TTN: variants seen among roughly 807,000 people sequenced by gnomAD.
The protein encoded by TTN is connectin.
Under a neutral mutation model 3,223.0 loss-of-function variants are expected in TTN, and 1,525 were observed. The ratio of observed to expected loss-of-function variants is 0.47; its 90% CI spans 0.45 to 0.49. The LOEUF (loss-of-function observed/expected upper bound fraction) is 0.49. Ranked by LOEUF, TTN falls within the 20% of genes least tolerant of loss-of-function variation. The probability of loss-of-function intolerance (pLI) is 0.00; values close to 1 mark genes in which losing one functional copy is unlikely to be tolerated. For missense variants in TTN, 40,786 were observed against 43,424.0 expected (o/e 0.94, Z 5.40); for synonymous variants, 14,094 against 15,161.0 (o/e 0.93, Z 5.17).
Position 178,585,222 on chromosome 2 carries a change from C to A in TTN, c.64522G>T (p.Val21508Phe). ...TGCACTGCCAGGTGGCTGGATGTGA[C>A]AACTTCATCTTCTCCTTTTTTCCAT... ...CKWKKGEDEVVTSSHLAVHKA... is the reference protein window; with the variant it reads ...CKWKKGEDEVFTSSHLAVHKA... Residue 21508 changes from valine (V) to phenylalanine (F), a missense_variant, in exon 309 of 363, where the codon GTC becomes TTC. Coordinates refer to ENST00000589042, the MANE Select transcript of TTN (RefSeq NM_001267550.2). The A allele has an allele frequency of 2.5e-6, 4 of 1,613,346 alleles. No individual in the cohort carries two copies. Among genetic ancestry groups the A allele is most frequent in the Non-Finnish European group, 3.4e-6 (4 of 1,179,446 alleles).
Position 178,562,956 on chromosome 2 carries a change from T to C in TTN, c.83176A>G (p.Ser27726Gly). 8.1e-6 allele frequency: 13 copies of C among 1,613,734 alleles called. No individual in the cohort carries two copies. The highest frequency in any genetic ancestry group is 1.1e-5 in the Non-Finnish European group (13 of 1,179,748). ...TCAATCACCAACATTGTAAATGAGC[T>C]GGTCACCTCTATCTGAGCCCTGTCA... ...LTDRAQIEVTSSFTMLVIDNV... is the reference protein window; with the variant it reads ...LTDRAQIEVTGSFTMLVIDNV... The change falls in exon 326 of 363, where the codon AGC (serine) becomes GGC (glycine). Residue 27726 changes from serine to glycine, a missense_variant. Physicochemically the swap from Ser to Gly is moderately conservative, Grantham distance 56 (BLOSUM62 0). Transcript: ENST00000589042.
Position 178,634,708 on chromosome 2 carries a change from C to A in TTN, c.42151+15G>T. 1 of 1,612,694 alleles carries A rather than the reference C, an allele frequency of 6.2e-7. No homozygotes were observed. The highest frequency in any genetic ancestry group is 8.5e-7 in the Non-Finnish European group (1 of 1,179,340). ...TAAAGTTGAGACCCCTCCCCAAATT[C>A]TAAAAGCCCCATACCTTTTACTGTC... On this transcript the variant is annotated intron_variant, in intron 229 of 362. Coordinates refer to ENST00000589042, the MANE Select transcript of TTN (RefSeq NM_001267550.2). This position sits in a 1 kb window ranked among gnomAD's most constrained non-coding sequence, Gnocchi z 4.6.
chr2:178,696,379 G>T, intron 113 of TTN, 110 bp from the exon 114 acceptor site: 10 of 958,810 alleles, frequency 1.0e-5, no homozygotes, highest in South Asian at 4.9e-5. Flanking sequence ...CTATTTTATT[G>T]ATAATTTGTT....
At chr2:178,745,665 T>C in intron 47 of TTN, 1 of 1,612,272 alleles carries the variant, frequency 6.2e-7, no homozygotes, top group Non-Finnish European at 8.5e-7. Context: ...CCTTCATCAC[T>C]CTTTACTAAG....
chr2:178,668,387 G>T (rs1444188257), intron 159 of TTN, among the ~76,000 whole-genome samples: 2 of 152,084 alleles, frequency 1.3e-5, no homozygotes, highest in African/African-American at 2.4e-5. Context: ...AGTATAACAG[G>T]ATGAACAACA....
chr2:178,625,150 G>C (rs2058837253), intron 241 of TTN, 123 bp downstream of exon 241: 1 of 1,345,032 alleles, frequency 7.4e-7, no homozygotes, highest in East Asian at 2.7e-5. Flanking sequence ...AGTAAAATCA[G>C]ACTTTTGATT....
At chr2:178,667,811 C>T (rs374669780) in intron 159 of TTN, 90 bp from the exon 160 acceptor site, 26 of 929,164 alleles carry the variant, frequency 2.8e-5, no homozygotes, top group East Asian at 1.9e-4. Flanking sequence ...ATACCACATT[C>T]ATCACCAAAA....
At chr2:178,795,493 T>A (rs2093720310) in intron 6 of TTN, among the ~76,000 whole-genome samples, 1 of 151,764 alleles carries the variant, frequency 6.6e-6, no homozygotes, top group African/African-American at 2.4e-5. Context: ...CTGGAGATTT[T>A]GTGCCTTGCA....
chr2:178,712,177 A>G lies in TTN; in HGVS notation c.27653T>C (p.Val9218Ala). 1 of 1,613,774 alleles carries G rather than the reference A, an allele frequency of 6.2e-7. No homozygotes were observed. Among genetic ancestry groups the G allele is most frequent in the Non-Finnish European group, 8.5e-7 (1 of 1,179,758 alleles). Residue 9218 changes from valine (V) to alanine (A), a missense_variant, in exon 96 of 363, where the codon GTT becomes GCT. Transcript: ENST00000589042. ...VKQLEPVKVSVGDSASLQCQL... is the reference protein window; with the variant it reads ...VKQLEPVKVSAGDSASLQCQL... Reference sequence around the variant, plus strand: ...GCATTGTAGAGAGGCAGAATCTCCAACAGACACCTTAACCGGCTCCAACTG... The same window carrying G: ...GCATTGTAGAGAGGCAGAATCTCCAGCAGACACCTTAACCGGCTCCAACTG...
rs774843545 is a variant in TTN, at chr2:178,729,409, G to C, written c.18747C>G (p.Asp6249Glu). 3.1e-6 allele frequency: 5 copies of C among 1,613,630 alleles called. No individual in the cohort carries two copies. In the Admixed American group the frequency reaches 8.3e-5, roughly 27 times the overall value. The change falls in exon 64 of 363, where the codon GAC (aspartate) becomes GAG (glutamate). Residue 6249 changes from aspartate (D) to glutamate (E), a missense_variant. Transcript: ENST00000589042. ...TATGGAGGTTAAACACAGACACTCT[G>C]TCGGTCAATGTGTATTTTTTGCTGC... ...IRSSKKYTLT[D>E]RVSVFNLHIT...
At position 178,553,140 on chromosome 2, in the gene TTN, T is replaced by G. The variant is rs747181293; in HGVS notation, c.89760A>C (p.Glu29920Asp). 66 of 1,612,760 alleles carry G rather than the reference T, an allele frequency of 4.1e-5. No homozygotes were observed. Among genetic ancestry groups the G allele is most frequent in the Admixed American group, 3.7e-4 (22 of 59,988 alleles). ...YILTIENGVG[E>D]PKSSTVSVKV... ...TAACACTCACAGTTGAAGACTTAGGTTCACCAACTCCATTTTCTATTGTGA... is the reference window on the plus strand; with the variant it reads ...TAACACTCACAGTTGAAGACTTAGGGTCACCAACTCCATTTTCTATTGTGA... The change falls in exon 335 of 363, where the codon GAA becomes GAC. Residue 29920 changes from glutamate to aspartate, a missense_variant. By Grantham distance (45) the Glu-to-Asp change is conservative. Transcript: ENST00000589042.
intron 67 of TTN, 73 bp downstream of exon 67, chr2:178,728,037 A>T: frequency 6.8e-7 from 1 of 1,461,018 alleles, no homozygotes; most frequent in Non-Finnish European, 9.1e-7. Context: ...GCTCTAAAGG[A>T]TACAAAGGCA....
rs778774812 is a variant in TTN, at chr2:178,615,445, C to T, written c.48500G>A (p.Arg16167Gln). The T allele has an allele frequency of 6.8e-6, 11 of 1,612,318 alleles. No individual in the cohort carries two copies. The highest frequency in any genetic ancestry group is 1.1e-5 in the South Asian group (1 of 90,958). The change falls in exon 259 of 363, where the codon CGA becomes CAA. Residue 16167 changes from arginine to glutamine, a missense_variant. Coordinates refer to ENST00000589042, the MANE Select transcript of TTN (RefSeq NM_001267550.2). Reference protein sequence around the residue: ...DPPENVKWRDRTANSIFLTWD... With the variant: ...DPPENVKWRDQTANSIFLTWD... ...TGTTAAGAAGATGCTATTGGCTGTT[C>T]GATCTCTCCATTTAACATTCTCTGG...
intron 127 of TTN, among the ~76,000 whole-genome samples, chr2:178,687,281 A>G (rs1351571062): frequency 6.6e-6 from 1 of 152,200 alleles, no homozygotes; most frequent in Non-Finnish European, 1.5e-5. Context: ...TTCTTAGGAA[A>G]GTTCTTTTGG....
rs2049117656 is a variant in TTN at position 178,586,914 on chromosome 2, C to CA, written c.64094-108_64094-107insT. On this transcript the variant is annotated intron_variant, in intron 307 of 362. Transcript: ENST00000589042. ...TGGATTTGCTCCAATGTACATAGAA[C>CA]CTGTAGTTCAGTACATTAAAAGCAA... 3.4e-6 allele frequency: 5 copies of CA among 1,452,302 alleles called. No individual in the cohort carries two copies. The Admixed American group carries it at 1.1e-4, about 32-fold the overall frequency. The allele number at this position is 1,452,302 out of a possible 1,614,324, so 90.0% of individuals were successfully genotyped here.
In TTN at chr2:178,718,080, G is replaced by A. The variant is rs186598275; in HGVS notation, c.24926C>T (p.Ala8309Val). 6.2e-7 allele frequency: 1 copy of A among 1,613,594 alleles called. No homozygotes were observed. Among genetic ancestry groups the A allele is most frequent in the Non-Finnish European group, 8.5e-7 (1 of 1,179,702 alleles). The change falls in exon 86 of 363, where the codon GCA (alanine) becomes GTA (valine). Residue 8309 changes from alanine to valine, a missense_variant. Coordinates refer to ENST00000589042, the MANE Select transcript of TTN (RefSeq NM_001267550.2). ...GTTATTTTTGAATTGCATTTTATATGCAGGAGCTGATCGTAGCTTTGTGTG... is the reference window on the plus strand; with the variant it reads ...GTTATTTTTGAATTGCATTTTATATACAGGAGCTGATCGTAGCTTTGTGTG... ...KEHTKLRSAP[A>V]YKMQFKNNVA... is the part of the protein sequence containing the mutation.
chr2:178,633,204 G>T lies in TTN; in HGVS notation c.43069C>A (p.Pro14357Thr), dbSNP rs750958593. ...TGACTTACAGGGGAAGCTGTCAAAG[G>T]CTGTCCTTTCAGCTTCCACTGGCCG... ...VHGQWKLKGQ[P>T]LTASPDCEII... Residue 14357 changes from proline to threonine, a missense_variant, in exon 233 of 363, where the codon CCT becomes ACT. Coordinates refer to ENST00000589042, the MANE Select transcript of TTN (RefSeq NM_001267550.2). 6.2e-7 allele frequency: 1 copy of T among 1,612,724 alleles called. No homozygotes were observed. The highest frequency in any genetic ancestry group is 8.5e-7 in the Non-Finnish European group (1 of 1,179,394).
At position 178,614,518 on chromosome 2, in the gene TTN, C is replaced by T. The variant is rs72677244; in HGVS notation, c.48996G>A (p.Glu16332=). 0.022 allele frequency: 35,928 copies of T among 1,612,146 alleles called. 959 individuals carry two copies. Among genetic ancestry groups the T allele is most frequent in the East Asian group, 0.13 (6,010 of 44,570 alleles). ...TGGCCCGGCCACACACATTCACAGC[C>T]TCAATGATATATGTGCCAGTGTCAC... ...KRSDTGTYII[E]AVNVCGRATA... is the part of the protein sequence containing the mutation. The change falls in exon 261 of 363, where the codon GAG becomes GAA. Residue 16332 remains glutamate (E), a synonymous_variant. Transcript: ENST00000589042.
rs876658081 is a variant in TTN, at chr2:178,573,138, C to A, written c.72994G>T (p.Val24332Phe). Residue 24332 changes from valine (V) to phenylalanine (F), a missense_variant, in exon 326 of 363, where the codon GTT becomes TTT. Coordinates refer to ENST00000589042, the MANE Select transcript of TTN (RefSeq NM_001267550.2). ...FKPGPPGNPR[V>F]LDTSRSSISI... ...ATGGATGATCTGCTTGTATCCAGAA[C>A]ACGTGGGTTACCTGGTGGTCCAGGT... The A allele has an allele frequency of 5.0e-6, 8 of 1,613,174 alleles. No homozygotes were observed. Among genetic ancestry groups the A allele is most frequent in the Middle Eastern group, 1.6e-4 (1 of 6,076 alleles).
Sources: gnomAD v4.1 joint callset for allele counts (sites outside exome capture counted in the v4.1 genomes callset) on GRCh38, gnomAD v4.1.1 for gene constraint, Gnocchi (gnomAD v3.1) non-coding constraint, MANE v1.5 for transcripts, NCBI Gene and HGNC (gene_info 2026-07-23, HGNC 2026-07-21) for gene names.